The following KALRN variants were observed in gnomAD, a reference collection of about 807,000 sequenced individuals.
KALRN encodes kalirin RhoGEF kinase.
Under a neutral mutation model 353.7 loss-of-function variants are expected in KALRN, and 70 were observed. The ratio of observed to expected loss-of-function variants is 0.20; its 90% confidence interval spans 0.16 to 0.24. The LOEUF (loss-of-function observed/expected upper bound fraction) is 0.24, where lower values mean the gene tolerates loss of function less well. Ranked by LOEUF, KALRN falls within the 10% of genes least tolerant of loss-of-function variation. KALRN has a pLI of 1.00. For synonymous variants in KALRN, 1,391 were observed against 1,434.8 expected (o/e 0.97, Z 0.69); for missense variants, 2,791 against 3,756.7 (o/e 0.74, Z 6.72).
intron 1 of KALRN, among the ~76,000 whole-genome samples, chr3:124,209,651 A>G (rs564169586): frequency 4.7e-4 from 71 of 152,304 alleles, no homozygotes; most frequent in Middle Eastern, 6.8e-3. Context: ...CTAAGAAATT[A>G]TAGGGTAGAG....
chr3:124,460,550 T>A (rs1222531759), intron 23 of KALRN, among the ~76,000 whole-genome samples: 1 of 152,240 alleles, frequency 6.6e-6, no homozygotes, highest in Non-Finnish European at 1.5e-5. Flanking sequence ...TTCATCGCAA[T>A]CTACAGCTCA....
At chr3:124,201,827 G>T (rs555242947) in intron 1 of KALRN, among the ~76,000 whole-genome samples, 1 of 152,336 alleles carries the variant, frequency 6.6e-6, no homozygotes, top group African/African-American at 2.4e-5. Context: ...TAAGGGAGTG[G>T]TTCCTGTCTT....
At chr3:124,478,829 C>G (rs1023768351) in intron 27 of KALRN, among the ~76,000 whole-genome samples, 1 of 152,226 alleles carries the variant, frequency 6.6e-6, no homozygotes, top group Non-Finnish European at 1.5e-5. Context: ...GAGCATGTCT[C>G]AAACTCTTCT....
intron 1 of KALRN, among the ~76,000 whole-genome samples, chr3:124,188,654 T>A (rs1164509193): frequency 6.6e-6 from 1 of 152,104 alleles, no homozygotes; most frequent in Admixed American, 6.6e-5. Flanking sequence ...AGGGGAGGCA[T>A]GTATACTCTA....
At chr3:124,372,961 C>T (rs1437304857) in intron 10 of KALRN, among the ~76,000 whole-genome samples, 1 of 145,392 alleles carries the variant, frequency 6.9e-6, no homozygotes, top group Non-Finnish European at 1.5e-5. Flanking sequence ...GCTTTTAAAA[C>T]ATGTGGCTGC....
At chr3:124,048,016 G>A (rs889612782) in intron 1 of KALRN, among the ~76,000 whole-genome samples, 5 of 151,894 alleles carry the variant, frequency 3.3e-5, no homozygotes, top group South Asian at 4.2e-4. Flanking sequence ...TTTGTTTTTC[G>A]ATTATTGAAT....
chr3:124,146,635 T>C (rs937069260), intron 1 of KALRN, among the ~76,000 whole-genome samples: 10 of 151,982 alleles, frequency 6.6e-5, no homozygotes, highest in African/African-American at 2.4e-4. Flanking sequence ...CCCAGCACTT[T>C]GGGAGGCCGA....
chr3:124,507,136 G>A (rs774081253), intron 33 of KALRN, among the ~76,000 whole-genome samples: 1 of 152,154 alleles, frequency 6.6e-6, no homozygotes, highest in Non-Finnish European at 1.5e-5. Flanking sequence ...TGGAGTGGGT[G>A]TAGTTTGTTA....
At chr3:124,350,509 A>G (rs1047512413) in intron 10 of KALRN, among the ~76,000 whole-genome samples, 1 of 152,192 alleles carries the variant, frequency 6.6e-6, no homozygotes, top group East Asian at 1.9e-4. Context: ...TGGATTCCAC[A>G]GTCATGTTCT....
chr3:124,317,626 A>G (rs970522417), intron 6 of KALRN, among the ~76,000 whole-genome samples: 2 of 150,422 alleles, frequency 1.3e-5, no homozygotes, highest in South Asian at 4.3e-4. Flanking sequence ...TGATTCAGAA[A>G]GTTGGGGAAG....
At chr3:124,208,957 C>T (rs1035100024) in intron 1 of KALRN, among the ~76,000 whole-genome samples, 4 of 151,732 alleles carry the variant, frequency 2.6e-5, no homozygotes, top group Non-Finnish European at 5.9e-5. Flanking sequence ...CAGAGTGAGA[C>T]TCTGTCTCAA....
At chr3:124,440,673 T>C (rs2093638108) in intron 18 of KALRN, among the ~76,000 whole-genome samples, 1 of 151,630 alleles carries the variant, frequency 6.6e-6, no homozygotes, top group South Asian at 2.1e-4. Flanking sequence ...TATAAGATTC[T>C]AAAATTTTAC....
chr3:124,152,573 T>TTTTCTTTTCTTTTCTTTTCTTTTCTTTTC (rs2068285525), intron 1 of KALRN: 4 of 29,184 alleles, frequency 1.4e-4, no homozygotes, highest in African/African-American at 2.7e-4. Context: ...TTTTCTTTTC[T>TTTTCTTTTCTTTTCTTTTCTTTTCTTTTC]TTTCTTTCTT....
intron 1 of KALRN, among the ~76,000 whole-genome samples, chr3:124,062,433 C>T (rs2149219356): frequency 6.6e-6 from 1 of 152,314 alleles, no homozygotes; most frequent in East Asian, 1.9e-4. Context: ...ACTGCCAAAA[C>T]CCAGTCTCCC....
intron 34 of KALRN, among the ~76,000 whole-genome samples, chr3:124,593,867 A>G (rs2076031799): frequency 6.6e-6 from 1 of 152,122 alleles, no homozygotes; most frequent in African/African-American, 2.4e-5. Context: ...CTCCCGCCAC[A>G]TTCCCCTGCC....
At chr3:124,193,255 G>T (rs2075114964) in intron 1 of KALRN, among the ~76,000 whole-genome samples, 1 of 152,054 alleles carries the variant, frequency 6.6e-6, no homozygotes, top group African/African-American at 2.4e-5. Context: ...AGAAAGCGGG[G>T]AACTGGAGTA....
At chr3:124,368,809 C>T (rs1199400089) in intron 10 of KALRN, among the ~76,000 whole-genome samples, 1 of 152,242 alleles carries the variant, frequency 6.6e-6, no homozygotes, top group African/African-American at 2.4e-5. Context: ...TCTGCAATCC[C>T]GGCACCTCGG....
chr3:124,463,873 C>T (rs947642133), intron 25 of KALRN, among the ~76,000 whole-genome samples: 1 of 152,126 alleles, frequency 6.6e-6, no homozygotes. Context: ...CCATGGCATG[C>T]AAACCTTGTG....
At chr3:124,494,553 C>A (rs1261866569) in intron 32 of KALRN, among the ~76,000 whole-genome samples, 2 of 152,216 alleles carry the variant, frequency 1.3e-5, no homozygotes, top group African/African-American at 4.8e-5. Flanking sequence ...AGTCTTTTTA[C>A]AGCAGATTTT....
Sources: allele counts gnomAD v4.1 joint callset (sites outside exome capture counted in the v4.1 genomes callset), GRCh38; gene constraint gnomAD v4.1.1; transcripts MANE v1.5; gene names NCBI Gene and HGNC (gene_info 2026-07-23, HGNC 2026-07-21).